Variants in FRMPD4 observed in about 807,000 individuals in gnomAD.
FRMPD4 encodes the protein FERM and PDZ domain-containing protein 4.
Under a neutral mutation model 94.1 loss-of-function variants are expected in FRMPD4, and 22 were observed. That is an observed-to-expected ratio of 0.23 (90% CI 0.17 to 0.33). The LOEUF is 0.33. Among genes scored for constraint, FRMPD4 ranks in the 10% least tolerant of loss-of-function variants. The pLI, the probability that FRMPD4 is intolerant of heterozygous loss-of-function variation, is 1.00. For synonymous variants in FRMPD4, 631 were observed against 548.6 expected (o/e 1.15, Z -2.10); for missense variants, 1,111 against 1,339.9 (o/e 0.83, Z 2.67).
intron 2 of FRMPD4, among the ~76,000 whole-genome samples, chrX:12,509,819 T>G (rs2058025203): frequency 8.9e-6 from 1 of 112,363 alleles, no homozygotes; most frequent in African/African-American, 3.2e-5. Context: ...CAAAACCTTG[T>G]CACCAATTCA....
At chrX:12,212,555 A>G (rs1480619985) in intron 1 of FRMPD4, among the ~76,000 whole-genome samples, 1 of 111,358 alleles carries the variant, frequency 9.0e-6, no homozygotes, top group Non-Finnish European at 1.9e-5. Flanking sequence ...GGTGTTGACA[A>G]CCAGCCTAGA....
At chrX:12,251,987 G>A (rs931332895) in intron 1 of FRMPD4, among the ~76,000 whole-genome samples, 1 of 112,079 alleles carries the variant, frequency 8.9e-6, no homozygotes, top group African/African-American at 3.2e-5. Context: ...AATATTGCAC[G>A]AAAAGAGCTG....
intron 3 of FRMPD4, among the ~76,000 whole-genome samples, chrX:12,043,736 C>T (rs1181790368): frequency 2.7e-5 from 3 of 112,109 alleles, no homozygotes; most frequent in Non-Finnish European, 5.6e-5. Context: ...TTTCTTCCTA[C>T]ATCTTGATAT....
At chrX:12,281,984 A>T (rs2054532981) in intron 1 of FRMPD4, among the ~76,000 whole-genome samples, 1 of 111,581 alleles carries the variant, frequency 9.0e-6, no homozygotes, top group African/African-American at 3.3e-5. Flanking sequence ...GCAAATTCTG[A>T]AGTTTGATTA....
chrX:12,235,093 T>A (rs1201455643), intron 1 of FRMPD4, among the ~76,000 whole-genome samples: 2 of 112,005 alleles, frequency 1.8e-5, no homozygotes, highest in Non-Finnish European at 3.8e-5. Flanking sequence ...TTTTAATGTG[T>A]TCGTATTGCC....
At chrX:12,208,768 T>G (rs1263160893) in intron 1 of FRMPD4, among the ~76,000 whole-genome samples, 2 of 111,970 alleles carry the variant, frequency 1.8e-5, no homozygotes, top group Non-Finnish European at 3.8e-5. Context: ...ATTATTTCAG[T>G]TAAGCTATTC....
rs763502405 is a variant in FRMPD4 at position 11,988,753 on chromosome X, T to C, written c.95+110735T>C. ...TACATAAGAAGCTCAAACAACTCTA[T>C]AGGAAAAAAATCTAATAATCCAATT... On this transcript the variant is annotated intron_variant, in intron 3 of 18. Coordinates refer to the FRMPD4 transcript ENST00000640291. Among the ~76,000 whole-genome samples the C allele has an allele frequency of 7.9e-3, 877 of 111,502 alleles. 6 individuals are homozygous for C. The highest frequency in any genetic ancestry group is 0.012 in the Non-Finnish European group (653 of 52,900).
chrX:12,290,929 G>A (rs1487643498), intron 1 of FRMPD4, among the ~76,000 whole-genome samples: 1 of 110,856 alleles, frequency 9.0e-6, no homozygotes, highest in African/African-American at 3.3e-5. Context: ...GCTTGTTTTG[G>A]AAGAAGATGG....
chrX:11,850,728 C>A (rs966602080), intron 1 of FRMPD4, among the ~76,000 whole-genome samples: 1 of 112,093 alleles, frequency 8.9e-6, no homozygotes, highest in Non-Finnish European at 1.9e-5. Flanking sequence ...TTGTATGATT[C>A]TATACAGGTA....
intron 3 of FRMPD4, among the ~76,000 whole-genome samples, chrX:12,089,690 CTA>C: frequency 1.8e-5 from 2 of 111,874 alleles, no homozygotes; most frequent in Middle Eastern, 9.2e-3. Flanking sequence ...CTCTATATAT[CTA>C]TGTCTATATA....
intron 2 of FRMPD4, among the ~76,000 whole-genome samples, chrX:12,598,704 G>A (rs1473887131): frequency 2.7e-5 from 3 of 111,855 alleles, no homozygotes; most frequent in African/African-American, 9.8e-5. Flanking sequence ...CTTTAGGTAA[G>A]GGCTAGAAAT....
At chrX:12,286,638 CT>C (rs1435515877) in intron 1 of FRMPD4, among the ~76,000 whole-genome samples, 1 of 111,688 alleles carries the variant, frequency 9.0e-6, no homozygotes, top group African/African-American at 3.3e-5. Flanking sequence ...GTTGTTATAG[CT>C]TTGATAAAAT....
At chrX:12,371,193 A>C (rs985763231) in intron 1 of FRMPD4, among the ~76,000 whole-genome samples, 1 of 112,884 alleles carries the variant, frequency 8.9e-6, no homozygotes, top group African/African-American at 3.2e-5. Flanking sequence ...ATGGTTTTGT[A>C]GTATCTGTAT....
intron 2 of FRMPD4, among the ~76,000 whole-genome samples, chrX:11,876,759 A>G (rs759063040): frequency 2.7e-5 from 3 of 112,230 alleles, no homozygotes; most frequent in Non-Finnish European, 5.6e-5. Flanking sequence ...TTTACCTACC[A>G]TTTGTCTTTG....
intron 4 of FRMPD4, among the ~76,000 whole-genome samples, chrX:12,646,147 C>A (rs758790069): frequency 1.6e-4 from 18 of 112,123 alleles, no homozygotes; most frequent in African/African-American, 5.2e-4. Context: ...TGTTTCTAAC[C>A]CCAATGGATA....
chrX:12,712,667 A>G, intron 14 of FRMPD4, among the ~76,000 whole-genome samples: 1 of 112,410 alleles, frequency 8.9e-6, no homozygotes, highest in South Asian at 3.7e-4. Context: ...ATATAGAAAA[A>G]GAAAGAACAA....
rs1183850649 is a variant in FRMPD4 at position 12,722,444 on chromosome X, T to C, written c.*586T>C. The C allele has an allele frequency of 8.9e-6, 1 of 111,869 alleles. No individual in the cohort carries two copies. Among genetic ancestry groups the C allele is most frequent in the East Asian group, 2.8e-4 (1 of 3,597 alleles). 9.2% of individuals were successfully genotyped at this position (111,869 alleles called of 1,213,427 possible). On this transcript the variant is annotated 3_prime_UTR_variant, in exon 17 of 17. Coordinates refer to ENST00000675598, the MANE Select transcript of FRMPD4 (RefSeq NM_001368397.1). ...GTTACTGGATGCTTTCTTCCAAGAA[T>C]CCCACATATTTAATTTGGGTTTTTG...
intron 1 of FRMPD4, among the ~76,000 whole-genome samples, chrX:12,153,579 A>G (rs2055893199): frequency 8.9e-6 from 1 of 112,389 alleles, no homozygotes. Context: ...AACTCCATAA[A>G]CTTTCATTTA....
At chrX:11,978,329 A>C (rs1403610793) in intron 3 of FRMPD4, among the ~76,000 whole-genome samples, 3 of 103,550 alleles carry the variant, frequency 2.9e-5, no homozygotes, top group Admixed American at 2.1e-4. Context: ...CTCAAAAAAA[A>C]AAAAAAAAAA....
Sources: gnomAD v4.1 joint callset for allele counts (sites outside exome capture counted in the v4.1 genomes callset) on GRCh38, gnomAD v4.1.1 for gene constraint, MANE v1.5 for transcripts, NCBI Gene and HGNC (gene_info 2026-07-23, HGNC 2026-07-21) for gene names.